The following HTT variants were observed in gnomAD, a reference collection of about 807,000 sequenced individuals.
The protein encoded by HTT is huntingtin.
Under a neutral mutation model 362.3 loss-of-function variants are expected in HTT, and 104 were observed. The observed-to-expected ratio is 0.29, with a 90% CI of 0.24 to 0.34. The LOEUF (loss-of-function observed/expected upper bound fraction) is 0.34, where lower values mean the gene tolerates loss of function less well. Ranked by LOEUF, HTT falls within the 10% of genes least tolerant of loss-of-function variation. The pLI, the probability that HTT is intolerant of heterozygous loss-of-function variation, is 1.00. For synonymous variants in HTT, 1,577 were observed against 1,548.7 expected, an observed-to-expected ratio of 1.02 and a Z score of -0.43; for missense variants, 3,301 against 3,928.6, an observed-to-expected ratio of 0.84 and a Z score of 4.27.
chr4:3,197,882 C>T (rs1320301721), intron 40 of HTT, among the ~76,000 whole-genome samples: 3 of 152,216 alleles, frequency 2.0e-5, no homozygotes, highest in African/African-American at 7.2e-5. Flanking sequence ...TGTGGCCTGG[C>T]TGCATCTTCC....
In HTT at chr4:3,135,441, GGTTT is replaced by G. The variant is rs1044853403; in HGVS notation, c.2634-458_2634-455del. 4.8e-5 allele frequency among the ~76,000 whole-genome samples: 7 copies of G among 145,936 alleles called. No homozygotes were observed. In the East Asian group the frequency reaches 1.4e-3, roughly 28 times the overall value. ...AGGGAAATTTTCCTTTATAATTTAGGGTTTGTTTTTTTTTTTTCCAAGCCACCTT... is the reference window on the plus strand; with the variant it reads ...AGGGAAATTTTCCTTTATAATTTAGGGTTTTTTTTTTTTCCAAGCCACCTT... On this transcript the variant is annotated intron_variant, in intron 19 of 66. Transcript: ENST00000355072.
intron 3 of HTT, 139 bp from the exon 4 acceptor site, chr4:3,103,685 A>T (rs1230813503): frequency 1.6e-6 from 1 of 617,290 alleles, no homozygotes; most frequent in Non-Finnish European, 2.9e-6. Flanking sequence ...TGTTTCTTTC[A>T]TTCTTAATGA....
chr4:3,169,880 C>T (rs1159708634), intron 29 of HTT, among the ~76,000 whole-genome samples: 1 of 152,230 alleles, frequency 6.6e-6, no homozygotes, highest in Non-Finnish European at 1.5e-5. Flanking sequence ...GGCCCCTGTT[C>T]AGTGTATATC....
chr4:3,094,782 T>C (rs1324743386), intron 2 of HTT, among the ~76,000 whole-genome samples: 10 of 142,872 alleles, frequency 7.0e-5, no homozygotes, highest in East Asian at 2.2e-4. Flanking sequence ...GGGCGGCTGC[T>C]GGGCGGAGGG....
intron 22 of HTT, among the ~76,000 whole-genome samples, chr4:3,140,957 A>G (rs1354435219): frequency 2.6e-5 from 4 of 152,132 alleles, no homozygotes; most frequent in Admixed American, 1.3e-4. Context: ...CTGTTAAAAC[A>G]TTTTCACTTT....
intron 2 of HTT, among the ~76,000 whole-genome samples, chr4:3,098,727 G>A (rs1008242086): frequency 2.0e-5 from 3 of 152,162 alleles, no homozygotes; most frequent in Non-Finnish European, 4.4e-5. Flanking sequence ...TGGCATCTTA[G>A]GGTGAAATAT....
chr4:3,189,446 A>T (rs1718916363), intron 40 of HTT, among the ~76,000 whole-genome samples: 1 of 152,198 alleles, frequency 6.6e-6, no homozygotes, highest in East Asian at 1.9e-4. Flanking sequence ...ATTCAGCCTT[A>T]AAAAAAGGAC....
At chr4:3,207,633 A>G (rs1355303206) in intron 45 of HTT, among the ~76,000 whole-genome samples, 1 of 152,250 alleles carries the variant, frequency 6.6e-6, no homozygotes, top group Non-Finnish European at 1.5e-5. Context: ...GAATGCCTGT[A>G]TTCACTGTCC....
At chr4:3,097,951 A>G (rs932860961) in intron 2 of HTT, among the ~76,000 whole-genome samples, 2 of 152,244 alleles carry the variant, frequency 1.3e-5, no homozygotes, top group African/African-American at 4.8e-5. Flanking sequence ...ATTGAGATAT[A>G]CTGTAAAAAA....
intron 41 of HTT, among the ~76,000 whole-genome samples, chr4:3,202,427 A>C (rs1056458689): frequency 6.6e-6 from 1 of 152,188 alleles, no homozygotes; most frequent in Admixed American, 6.5e-5. Context: ...AAAGTGCACA[A>C]TTACAGCTTG....
chr4:3,100,656 T>C (rs1449252001), intron 3 of HTT, among the ~76,000 whole-genome samples: 1 of 152,240 alleles, frequency 6.6e-6, no homozygotes. Context: ...TAGGGCCTGC[T>C]TCCAGTTAAG....
intron 6 of HTT, among the ~76,000 whole-genome samples, chr4:3,107,827 G>T (rs1344500031): frequency 6.6e-6 from 1 of 152,182 alleles, no homozygotes; most frequent in Admixed American, 6.5e-5. Flanking sequence ...GCTTCCTGTT[G>T]TGCATTCCAA....
intron 37 of HTT, among the ~76,000 whole-genome samples, chr4:3,184,463 G>T (rs1316579010): frequency 6.6e-6 from 1 of 151,818 alleles, no homozygotes; most frequent in South Asian, 2.1e-4. Flanking sequence ...GGAGGTGAGG[G>T]CAGAGCAGGG....
At chr4:3,143,090 T>C (rs1035769528) in intron 23 of HTT, among the ~76,000 whole-genome samples, 11 of 152,158 alleles carry the variant, frequency 7.2e-5, no homozygotes, top group Admixed American at 3.3e-4. Context: ...TTTCTGATTA[T>C]TAAAGTAATA....
Position 3,182,426 on chromosome 4 carries a change from C to T in HTT, c.4822C>T (p.Arg1608Ter). 1 of 1,613,952 alleles carries T rather than the reference C, an allele frequency of 6.2e-7. No homozygotes were observed. The highest frequency in any genetic ancestry group is 8.5e-7 in the Non-Finnish European group (1 of 1,179,808). ...TGAAGACAAGTGGAAGCGACTGTCTCGACAGATAGCTGACATCATCCTCCC... is the reference window on the plus strand; with the variant it reads ...TGAAGACAAGTGGAAGCGACTGTCTTGACAGATAGCTGACATCATCCTCCC... Reference protein sequence around the residue: ...ENEDKWKRLSRQIADIILPML... With the variant: ...ENEDKWKRLS Residue 1608 changes from arginine to a stop codon, truncating the protein, a stop_gained, in exon 37 of 67, where the codon CGA (arginine) becomes TGA (stop). Coordinates refer to ENST00000355072, the MANE Select transcript of HTT (RefSeq NM_001388492.1). LOFTEE classifies it high-confidence loss of function.
At position 3,228,840 on chromosome 4, in the gene HTT, C is replaced by G. The variant is rs762325435; in HGVS notation, c.7980-40C>G. The G allele has an allele frequency of 1.5e-5, 24 of 1,593,542 alleles. No individual in the cohort carries two copies. In the Admixed American group the frequency reaches 3.9e-4, roughly 26 times the overall value. ...GTGCTTCTTGAAATGAGCCTCTCAT[C>G]TCATGTACTTGGAAAATACCCATCT... is the stretch of plus-strand genomic sequence containing the variant. On this transcript the variant is annotated intron_variant, in intron 58 of 66. Transcript: ENST00000355072. The surrounding 1 kb of genome is among the most constrained non-coding windows in gnomAD (Gnocchi z 4.3).
intron 48 of HTT, 35 bp from the exon 49 acceptor site, chr4:3,212,529 C>T (rs763330979): frequency 6.2e-6 from 10 of 1,609,040 alleles, no homozygotes; most frequent in Admixed American, 1.7e-5. Context: ...TCTGTGCTCA[C>T]GTTTGCACCC....
rs77845883 is a variant in HTT, at chr4:3,075,522, A to T, written c.263+434A>T. On this transcript the variant is annotated intron_variant, in intron 1 of 66. Transcript: ENST00000355072. ...TTGCTCAGTGCCACTTCCCTCTTCT[A>T]GTCTGAGAGGGAAGAGGGCTGGGGG... Among the ~76,000 whole-genome samples the T allele has an allele frequency of 6.7e-3, 1,012 of 152,062 alleles. 13 individuals carry two copies. Among genetic ancestry groups the T allele is most frequent in the African/African-American group, 0.023 (951 of 41,474 alleles).
chr4:3,235,314 A>T lies in HTT; in HGVS notation c.8487A>T (p.Val2829=), dbSNP rs1477563709. The T allele has an allele frequency of 3.1e-6, 5 of 1,613,774 alleles. No homozygotes were observed. In the Admixed American group the frequency reaches 8.3e-5, roughly 27 times the overall value. The part of the protein sequence containing the change: ...HCVNIHSQQH[V]LVMCATAFYL... ...TGAACATTCACAGCCAGCAGCACGTACTGGTCATGTGTGCCACTGCGTTTT... is the reference window on the plus strand; with the variant it reads ...TGAACATTCACAGCCAGCAGCACGTTCTGGTCATGTGTGCCACTGCGTTTT... The change falls in exon 62 of 67, where the codon GTA becomes GTT. Residue 2829 remains valine, a synonymous_variant. Transcript: ENST00000355072.
Sources: gnomAD v4.1 joint callset for allele counts (sites outside exome capture counted in the v4.1 genomes callset) on GRCh38, gnomAD v4.1.1 for gene constraint, Gnocchi (gnomAD v3.1) non-coding constraint, MANE v1.5 for transcripts, NCBI Gene and HGNC (gene_info 2026-07-23, HGNC 2026-07-21) for gene names.